PKD1L3: variants seen among roughly 807,000 people sequenced by gnomAD.
PKD1L3 encodes polycystin-1-like protein 3.
Under a neutral mutation model 184.1 loss-of-function variants are expected in PKD1L3, and 239 were observed. That is an observed-to-expected ratio of 1.30 (90% confidence interval 1.17 to 1.45). The LOEUF is 1.45. Ranked by LOEUF, PKD1L3 falls within the 40% of genes most tolerant of loss-of-function variation. The pLI, the probability that PKD1L3 is intolerant of heterozygous loss-of-function variation, is 0.00. For missense variants in PKD1L3, 2,660 were observed against 2,067.2 expected (o/e 1.29, Z -5.56); for synonymous variants, 996 against 778.8 (o/e 1.28, Z -4.64).
In PKD1L3 at chr16:71,986,250, G is replaced by C; in HGVS notation, c.805C>G (p.Gln269Glu). 3 of 1,552,350 alleles carry C rather than the reference G, an allele frequency of 1.9e-6. No individual in the cohort carries two copies. Among genetic ancestry groups the C allele is most frequent in the Admixed American group, 2.0e-5 (1 of 51,004 alleles). The change falls in exon 5 of 30, where the codon CAA (glutamine) becomes GAA (glutamate). Residue 269 changes from glutamine to glutamate, a missense_variant. By Grantham distance (29) the Gln-to-Glu change is conservative (BLOSUM62 2). Transcript: ENST00000620267. ...CCAGATGCCTTCTGCAATGACACTT[G>C]TAGATAAGAGGTGAAGGTATTCGGA... is the stretch of plus-strand genomic sequence containing the variant. ...GHPNTFTSYLQVSLQKASGQV... is the reference protein window; with the variant it reads ...GHPNTFTSYLEVSLQKASGQV...
In PKD1L3 at chr16:71,988,391, C is replaced by T. The variant is rs765524839; in HGVS notation, c.585+1889G>A. On this transcript the variant is annotated intron_variant, in intron 4 of 29. Transcript: ENST00000620267. The stretch of plus-strand genomic sequence containing the variant: ...CATATTTTTAGTAGAGATGGGGTTT[C>T]GCCATGTTGGCCTGGCTGGCCTCGA... Among the ~76,000 whole-genome samples the T allele has an allele frequency of 6.6e-5, 10 of 152,124 alleles. 1 individual carries two copies. The highest frequency in any genetic ancestry group is 1.9e-4 in the East Asian group (1 of 5,178).
At chr16:71,949,750 C>CA in intron 21 of PKD1L3, 33 bp downstream of exon 21, 1 of 1,528,158 alleles carries the variant, frequency 6.5e-7, no homozygotes, top group Non-Finnish European at 8.9e-7. Context: ...CTAACTTCTG[C>CA]AACTCCAATG....
Position 71,978,313 on chromosome 16 carries a change from A to T in PKD1L3, c.1469T>A (p.Val490Glu). ...CAATTTACGATTAGCGCTTAGTAAC[A>T]CACTTCCAATGCTTCCAACAATGTT... ...NRNIVGSIGS[V>E]LLSANRKLLQ... The change falls in exon 10 of 30, where the codon GTG becomes GAG. Residue 490 changes from valine to glutamate, a missense_variant. Coordinates refer to ENST00000620267, the MANE Select transcript of PKD1L3 (RefSeq NM_181536.2). 6.4e-7 allele frequency: 1 copy of T among 1,550,958 alleles called. No individual in the cohort carries two copies. Among genetic ancestry groups the T allele is most frequent in the Non-Finnish European group, 8.7e-7 (1 of 1,146,560 alleles).
intron 2 of PKD1L3, among the ~76,000 whole-genome samples, chr16:71,994,249 C>T (rs1236995447): frequency 2.0e-5 from 3 of 152,190 alleles, no homozygotes; most frequent in Admixed American, 2.0e-4. Flanking sequence ...TGTTTCCACT[C>T]TCCCAGGTGA....
chr16:71,981,106 C>T (rs1229497267), intron 7 of PKD1L3, among the ~76,000 whole-genome samples: 1 of 152,182 alleles, frequency 6.6e-6, no homozygotes, highest in Admixed American at 6.5e-5. Flanking sequence ...AGACCAGATT[C>T]TACTTAGCCA....
chr16:71,930,021 C>CT lies in PKD1L3; in HGVS notation c.5058+30_5058+31insA. On this transcript the variant is annotated intron_variant, in intron 29 of 29. Coordinates refer to ENST00000620267, the MANE Select transcript of PKD1L3 (RefSeq NM_181536.2). ...CAGTGGAGCTTTCCCAGTGATATAA[C>CT]AGCATGCTAGTTTATCTTTTAGTTA... 2.0e-6 allele frequency: 3 copies of CT among 1,537,028 alleles called. No homozygotes were observed. The East Asian group carries it at 7.3e-5, about 38-fold the overall frequency.
chr16:71,990,696 T>C (rs987993791), intron 3 of PKD1L3, among the ~76,000 whole-genome samples: 1 of 151,930 alleles, frequency 6.6e-6, no homozygotes, highest in Non-Finnish European at 1.5e-5. Flanking sequence ...ATTGTGCCAC[T>C]GCACTCTAGC....
intron 3 of PKD1L3, 29 bp from the exon 4 acceptor site, chr16:71,990,358 C>G: frequency 6.6e-7 from 1 of 1,507,388 alleles, no homozygotes; most frequent in Non-Finnish European, 9.0e-7. Flanking sequence ...AGACTAAGTT[C>G]AAGTAAAAGC....
At chr16:71,998,497 C>A in intron 1 of PKD1L3, 103 bp from the exon 2 acceptor site, 1 of 1,422,900 alleles carries the variant, frequency 7.0e-7, no homozygotes, top group Non-Finnish European at 9.2e-7. Context: ...GTCACCCAAG[C>A]TGGAGTGCAG....
intron 2 of PKD1L3, among the ~76,000 whole-genome samples, chr16:71,997,421 C>A (rs1019579879): frequency 7.1e-6 from 1 of 140,290 alleles, no homozygotes. Context: ...ACCCCCCCCC[C>A]CACAACCACT....
At chr16:71,997,689 G>A (rs2040839992) in intron 2 of PKD1L3, among the ~76,000 whole-genome samples, 1 of 151,890 alleles carries the variant, frequency 6.6e-6, no homozygotes, top group African/African-American at 2.4e-5. Flanking sequence ...CGGAGCTTGT[G>A]GTGAGCCGAG....
rs189814261 is a variant in PKD1L3 at position 72,000,050 on chromosome 16, C to T, written c.-72G>A. The T allele has an allele frequency of 8.3e-5, 101 of 1,223,308 alleles. No homozygotes were observed. In the African/African-American group the frequency reaches 1.2e-3, roughly 15 times the overall value. The allele number at this position is 1,223,308 out of a possible 1,614,324, so 75.8% of individuals were successfully genotyped here. A position where few individuals can be genotyped will look rare whatever the true frequency, so the allele number is the denominator to read the frequency against. On this transcript the variant is annotated 5_prime_UTR_variant, in exon 1 of 30. Coordinates refer to ENST00000620267, the MANE Select transcript of PKD1L3 (RefSeq NM_181536.2). The stretch of plus-strand genomic sequence containing the variant: ...CTGGTCCTTTAAATATATATATTGG[C>T]GGGCTTGTCTTATTAGTATTATTCT...
intron 12 of PKD1L3, among the ~76,000 whole-genome samples, chr16:71,973,100 G>A (rs762214995): frequency 5.9e-5 from 9 of 152,204 alleles, no homozygotes; most frequent in Admixed American, 2.6e-4. Context: ...CTGTGTTTGA[G>A]AAAGAAATCA....
chr16:71,973,135 C>G (rs1310726186), intron 12 of PKD1L3, among the ~76,000 whole-genome samples, 189 bp downstream of exon 12: 1 of 152,230 alleles, frequency 6.6e-6, no homozygotes, highest in Non-Finnish European at 1.5e-5. Context: ...AAAGCTGCTC[C>G]TGCTTCGAAG....
At chr16:71,962,346 T>C (rs1215559781) in intron 16 of PKD1L3, among the ~76,000 whole-genome samples, 1 of 152,168 alleles carries the variant, frequency 6.6e-6, no homozygotes, top group Non-Finnish European at 1.5e-5. Context: ...TATATTCTCC[T>C]AGGAATATTC....
intron 18 of PKD1L3, 134 bp downstream of exon 18, chr16:71,952,760 G>T: frequency 1.1e-6 from 1 of 887,002 alleles, no homozygotes; most frequent in Non-Finnish European, 1.6e-6. Context: ...CACTTGAGCC[G>T]GGAGTTTGAG....
intron 7 of PKD1L3, 76 bp downstream of exon 7, chr16:71,981,983 G>C: frequency 7.4e-7 from 1 of 1,353,874 alleles, no homozygotes; most frequent in Non-Finnish European, 9.9e-7. Flanking sequence ...GGTCTGGGGA[G>C]AGGCTGTGAT....
At chr16:71,959,070 C>A (rs1401124012) in intron 16 of PKD1L3, among the ~76,000 whole-genome samples, 1 of 113,518 alleles carries the variant, frequency 8.8e-6, no homozygotes, top group South Asian at 3.0e-4. Flanking sequence ...GATGACAGAG[C>A]AAGACTCCCG....
chr16:71,971,535 C>T (rs185020772), intron 12 of PKD1L3, among the ~76,000 whole-genome samples: 54 of 152,252 alleles, frequency 3.5e-4, no homozygotes, highest in South Asian at 2.9e-3. Context: ...AGCACTTCAG[C>T]GTGCTTCAAG....
Sources: gnomAD v4.1 joint callset for allele counts (sites outside exome capture counted in the v4.1 genomes callset) on GRCh38, gnomAD v4.1.1 for gene constraint, MANE v1.5 for transcripts, NCBI Gene and HGNC (gene_info 2026-07-23, HGNC 2026-07-21) for gene names.